The following UGT2A1 variants were observed in gnomAD, a reference collection of about 807,000 sequenced individuals.
UGT2A1 encodes the protein UDP glucuronosyltransferase family 2 member A1 complex locus.
A neutral mutation model predicts 45.4 loss-of-function variants in UGT2A1; 61 were observed. The observed-to-expected ratio is 1.34, with a 90% CI of 1.09 to 1.66. The LOEUF (loss-of-function observed/expected upper bound fraction) is 1.66, where lower values mean the gene tolerates loss of function less well. UGT2A1 is among the 40% of genes most tolerant of loss of function. The probability of loss-of-function intolerance (pLI) is 0.00; values close to 1 mark genes in which losing one functional copy is unlikely to be tolerated. For missense variants in UGT2A1, 649 were observed against 574.3 expected, an observed-to-expected ratio of 1.13 and a Z score of -1.33; for synonymous variants, 229 against 196.2, an observed-to-expected ratio of 1.17 and a Z score of -1.40.
chr4:69,598,700 A>C (rs1449956418), intron 4 of UGT2A1, among the ~76,000 whole-genome samples: 1 of 152,020 alleles, frequency 6.6e-6, no homozygotes, highest in East Asian at 1.9e-4. Flanking sequence ...ACCATTGTCA[A>C]CTCAAAAGAG....
At position 69,620,005 on chromosome 4, in the gene UGT2A1, A is replaced by G. The variant is rs1720650019; in HGVS notation, c.847+15686T>C. ...TACCTCAAAATAATAAGAGACATAT[A>G]TGACAAACCCCCAGCCAACACCATA... On this transcript the variant is annotated intron_variant, in intron 3 of 6. Coordinates refer to ENST00000286604, the MANE Select transcript of UGT2A1 (RefSeq NM_001252275.3). Among the ~76,000 whole-genome samples the G allele has an allele frequency of 1.3e-5, 2 of 152,084 alleles. 1 individual carries two copies. The highest frequency in any genetic ancestry group is 4.1e-4 in the South Asian group (2 of 4,834).
chr4:69,624,995 T>C (rs1720960924), intron 3 of UGT2A1, among the ~76,000 whole-genome samples: 2 of 135,154 alleles, frequency 1.5e-5, no homozygotes, highest in African/African-American at 5.7e-5. Flanking sequence ...TCTTGGTTCT[T>C]GTAGCAACAA....
intron 3 of UGT2A1, among the ~76,000 whole-genome samples, chr4:69,603,842 T>C (rs1192689268): frequency 2.9e-5 from 4 of 135,870 alleles, no homozygotes; most frequent in Non-Finnish European, 6.2e-5. Flanking sequence ...ATGAATGAAA[T>C]GAAGCGAGAA....
chr4:69,639,054 G>T, intron 2 of UGT2A1: 1 of 1,613,404 alleles, frequency 6.2e-7, no homozygotes, highest in Non-Finnish European at 8.5e-7. Context: ...GACTGGTGCT[G>T]GGATTTTCCC....
rs181762346 is a variant in UGT2A1 at position 69,618,512 on chromosome 4, T to C, written c.847+17179A>G. Among the ~76,000 whole-genome samples, 226 of 152,056 alleles carry C rather than the reference T, an allele frequency of 1.5e-3. 4 individuals are homozygous for C. The highest frequency in any genetic ancestry group is 0.013 in the Admixed American group (194 of 15,208). ...GTCTATTTCTGCTGCCAAAAATAAATTTATTTTAACCATGTGGCCGTTGAA... is the reference window on the plus strand; with the variant it reads ...GTCTATTTCTGCTGCCAAAAATAAACTTATTTTAACCATGTGGCCGTTGAA... On this transcript the variant is annotated intron_variant, in intron 3 of 6. Transcript: ENST00000286604.
At chr4:69,620,096 C>G (rs1720654858) in intron 3 of UGT2A1, among the ~76,000 whole-genome samples, 1 of 152,016 alleles carries the variant, frequency 6.6e-6, no homozygotes, top group South Asian at 2.1e-4. Context: ...CCCTCTCTCA[C>G]TACTCCTATT....
intron 1 of UGT2A1, among the ~76,000 whole-genome samples, chr4:69,648,671 T>C (rs1560499172): frequency 6.6e-6 from 1 of 152,172 alleles, no homozygotes; most frequent in East Asian, 1.9e-4. Context: ...GCCATGTTCC[T>C]ACAGCAAAAT....
intron 2 of UGT2A1, among the ~76,000 whole-genome samples, chr4:69,645,001 G>A (rs1055737273): frequency 4.0e-5 from 6 of 151,612 alleles, no homozygotes; most frequent in East Asian, 1.9e-4. Context: ...CAACATTCAC[G>A]CAACCCACTG....
rs957440720 is a variant in UGT2A1 at position 69,589,065 on chromosome 4, T to C, written c.*307A>G. 1.2e-4 allele frequency: 25 copies of C among 205,336 alleles called. No homozygotes were observed. The highest frequency in any genetic ancestry group is 1.8e-4 in the Non-Finnish European group (18 of 101,290). 12.7% of individuals were successfully genotyped at this position (205,336 alleles called of 1,614,324 possible). On this transcript the variant is annotated 3_prime_UTR_variant, in exon 7 of 7. Transcript: ENST00000286604. ...TTAATTAAGGTTAACGATAAAATAA[T>C]TTGATACTATGAATAGAACATATTT...
chr4:69,635,501 G>A (rs1315233802), intron 3 of UGT2A1, among the ~76,000 whole-genome samples, 190 bp downstream of exon 3: 2 of 152,130 alleles, frequency 1.3e-5, no homozygotes, highest in Non-Finnish European at 2.9e-5. Flanking sequence ...CTATCTATTT[G>A]CTGTACAGCA....
At chr4:69,600,953 C>G (rs1336092584) in intron 3 of UGT2A1, among the ~76,000 whole-genome samples, 2 of 152,088 alleles carry the variant, frequency 1.3e-5, no homozygotes, top group Non-Finnish European at 2.9e-5. Context: ...TTGGGGATCA[C>G]AATTTGACAT....
intron 2 of UGT2A1, among the ~76,000 whole-genome samples, chr4:69,644,190 A>C (rs1722157312): frequency 6.6e-6 from 1 of 151,804 alleles, no homozygotes; most frequent in South Asian, 2.1e-4. Flanking sequence ...TCATGTCTTA[A>C]GACTGAAAGA....
intron 3 of UGT2A1, among the ~76,000 whole-genome samples, chr4:69,614,494 CA>C (rs796069861): frequency 3.4e-4 from 51 of 151,904 alleles, no homozygotes; most frequent in African/African-American, 1.2e-3. Flanking sequence ...TATGGAACCA[CA>C]AAAGACCAGA....
chr4:69,609,845 T>C (rs1719927731), intron 3 of UGT2A1, among the ~76,000 whole-genome samples: 1 of 152,180 alleles, frequency 6.6e-6, no homozygotes, highest in South Asian at 2.1e-4. Context: ...TGTCATGCTA[T>C]AGTCACCTGA....
chr4:69,628,627 C>T (rs1721220406), intron 3 of UGT2A1, among the ~76,000 whole-genome samples: 1 of 150,508 alleles, frequency 6.6e-6, no homozygotes, highest in Admixed American at 6.7e-5. Context: ...ACTTAGAAAA[C>T]AGAACTTTTT....
chr4:69,608,950 C>T (rs1359011248), intron 3 of UGT2A1, among the ~76,000 whole-genome samples: 2 of 151,942 alleles, frequency 1.3e-5, no homozygotes, highest in African/African-American at 4.8e-5. Context: ...CATAAAAATC[C>T]TTTTTTTAAT....
chr4:69,613,808 G>C (rs1278031939), intron 3 of UGT2A1, among the ~76,000 whole-genome samples: 1 of 151,936 alleles, frequency 6.6e-6, no homozygotes, highest in Admixed American at 6.6e-5. Flanking sequence ...AAACAACTGA[G>C]TATAGAAGGA....
chr4:69,598,024 G>T (rs1022756685), intron 4 of UGT2A1, among the ~76,000 whole-genome samples: 27 of 152,090 alleles, frequency 1.8e-4, no homozygotes, highest in Non-Finnish European at 8.8e-5. Flanking sequence ...GTGGGTTTGG[G>T]AGGAAAAACA....
At chr4:69,638,229 T>C (rs1442880365) in intron 2 of UGT2A1, among the ~76,000 whole-genome samples, 3 of 151,822 alleles carry the variant, frequency 2.0e-5, no homozygotes, top group Non-Finnish European at 4.4e-5. Flanking sequence ...GAGAAGGAAA[T>C]AAAAATATAA....
Sources: allele counts gnomAD v4.1 joint callset (sites outside exome capture counted in the v4.1 genomes callset), GRCh38; gene constraint gnomAD v4.1.1; transcripts MANE v1.5; gene names NCBI Gene and HGNC (gene_info 2026-07-23, HGNC 2026-07-21).